The following NR3C1 variants were observed in gnomAD, a reference collection of about 807,000 sequenced individuals.
The protein encoded by NR3C1 is glucocorticoid receptor.
A neutral mutation model predicts 74.0 loss-of-function variants in NR3C1; 14 were observed. The observed-to-expected ratio is 0.19, with a 90% CI of 0.12 to 0.30. The LOEUF (loss-of-function observed/expected upper bound fraction) is 0.30, where lower values mean the gene tolerates loss of function less well. NR3C1 is among the 10% of genes least tolerant of loss of function. The probability of loss-of-function intolerance (pLI) is 1.00; values close to 1 mark genes in which losing one functional copy is unlikely to be tolerated. For missense variants in NR3C1, 695 were observed against 909.8 expected (o/e 0.76, Z 3.04); for synonymous variants, 308 against 332.5 (o/e 0.93, Z 0.80).
intron 2 of NR3C1, among the ~76,000 whole-genome samples, chr5:143,349,183 C>T (rs1334909651): frequency 3.9e-5 from 6 of 152,106 alleles, no homozygotes; most frequent in Non-Finnish European, 8.8e-5. Flanking sequence ...AGTTGCTTTG[C>T]TTTACCAAAA....
At chr5:143,366,442 G>A (rs1029531089) in intron 2 of NR3C1, among the ~76,000 whole-genome samples, 4 of 151,698 alleles carry the variant, frequency 2.6e-5, no homozygotes, top group African/African-American at 4.8e-5. Flanking sequence ...CCCGGGAAGC[G>A]GAGGCTGCAA....
intron 2 of NR3C1, among the ~76,000 whole-genome samples, chr5:143,373,222 T>C (rs1050458557): frequency 2.6e-5 from 4 of 152,058 alleles, no homozygotes; most frequent in Non-Finnish European, 5.9e-5. Context: ...TATAATTCCC[T>C]TGGGGAAAAA....
rs559096540 is a variant in NR3C1 at position 143,427,156 on chromosome 5, T to G, written c.-14+7376A>C. On this transcript the variant is annotated intron_variant, in intron 1 of 8. Coordinates refer to the NR3C1 transcript ENST00000343796. Reference sequence around the variant, plus strand: ...CCCAGTCTGCACTATAAGTAAGAAATAGCATTTTCATTATTTTGTGTGACA... The same window carrying G: ...CCCAGTCTGCACTATAAGTAAGAAAGAGCATTTTCATTATTTTGTGTGACA... Among the ~76,000 whole-genome samples the G allele has an allele frequency of 4.6e-5, 7 of 152,296 alleles. No individual in the cohort carries two copies. The South Asian group carries it at 1.4e-3, about 32-fold the overall frequency.
intron 6 of NR3C1, among the ~76,000 whole-genome samples, chr5:143,297,966 G>T (rs1038173832): frequency 1.3e-5 from 2 of 152,158 alleles, no homozygotes; most frequent in African/African-American, 4.8e-5. Flanking sequence ...CTGTGTACTG[G>T]GGAGATATGT....
At chr5:143,284,850 G>GTAAT (rs1378381131) in intron 7 of NR3C1, among the ~76,000 whole-genome samples, 1 of 152,136 alleles carries the variant, frequency 6.6e-6, no homozygotes, top group Non-Finnish European at 1.5e-5. Flanking sequence ...GTGCTTGAAA[G>GTAAT]TAATTATCAT....
intron 2 of NR3C1, chr5:143,389,873 A>G: frequency 2.3e-6 from 2 of 870,910 alleles, no homozygotes; most frequent in Non-Finnish European, 2.8e-6. Context: ...GCAGTAAAAC[A>G]TTACCTGCCA....
At chr5:143,343,157 T>C (rs1007389068) in intron 2 of NR3C1, among the ~76,000 whole-genome samples, 4 of 152,210 alleles carry the variant, frequency 2.6e-5, no homozygotes, top group African/African-American at 9.7e-5. Context: ...ATACTGCCTT[T>C]TCATATTTAG....
intron 7 of NR3C1, among the ~76,000 whole-genome samples, chr5:143,291,181 T>C (rs1815861042): frequency 1.3e-5 from 2 of 152,156 alleles, no homozygotes; most frequent in African/African-American, 4.8e-5. Flanking sequence ...ATCTATATTA[T>C]TTACCACTTT....
intron 7 of NR3C1, among the ~76,000 whole-genome samples, chr5:143,291,700 C>G (rs1287153316): frequency 1.3e-5 from 2 of 152,112 alleles, no homozygotes; most frequent in African/African-American, 4.8e-5. Flanking sequence ...GGGGAATTTC[C>G]TTTGACCTAT....
At chr5:143,282,093 C>T in intron 8 of NR3C1, 52 bp from the exon 9 acceptor site, 2 of 1,599,368 alleles carry the variant, frequency 1.3e-6, no homozygotes, top group Non-Finnish European at 1.7e-6. Flanking sequence ...TCAGTGGGAA[C>T]ATCTCATGTT....
At chr5:143,308,252 G>C (rs778251203) in intron 4 of NR3C1, among the ~76,000 whole-genome samples, 16 of 152,088 alleles carry the variant, frequency 1.1e-4, no homozygotes, top group Non-Finnish European at 2.1e-4. Context: ...CTTAAGGCCA[G>C]GAGTTAGACA....
At chr5:143,384,316 C>T (rs1300057416) in intron 2 of NR3C1, among the ~76,000 whole-genome samples, 3 of 152,116 alleles carry the variant, frequency 2.0e-5, no homozygotes, top group Non-Finnish European at 4.4e-5. Flanking sequence ...TATTATTCTG[C>T]CCCCGGCCCC....
intron 2 of NR3C1, among the ~76,000 whole-genome samples, chr5:143,397,336 T>C (rs1839411977): frequency 6.6e-6 from 1 of 151,910 alleles, no homozygotes; most frequent in Non-Finnish European, 1.5e-5. Context: ...GGTCTCAATG[T>C]GTTGATTATT....
In NR3C1 at chr5:143,314,105, T is replaced by C. The variant is rs1259597325; in HGVS notation, c.1248A>G (p.Pro416=). ...PSSSSTATTG[P]PPKLCLVCSD... ...AGCACACCAGGCAGAGTTTGGGAGG[T>C]GGTCCTGTTGTTGCTGTTGAGGAGC... The change falls in exon 3 of 9, where the codon CCA becomes CCG. Residue 416 remains proline, a synonymous_variant. Coordinates refer to ENST00000394464, the MANE Select transcript of NR3C1 (RefSeq NM_000176.3). 3 of 1,613,592 alleles carry C rather than the reference T, an allele frequency of 1.9e-6. No homozygotes were observed. The highest frequency in any genetic ancestry group is 2.7e-5 in the African/African-American group (2 of 74,882).
chr5:143,359,959 A>C (rs996777631), intron 2 of NR3C1, among the ~76,000 whole-genome samples: 5 of 152,204 alleles, frequency 3.3e-5, no homozygotes, highest in Admixed American at 3.3e-4. Flanking sequence ...TCAAGTTTTT[A>C]TTTCTACTGG....
chr5:143,435,158 A>G, exon 1 of NR3C1: 1 of 985,360 alleles, frequency 1.0e-6, no homozygotes, highest in Non-Finnish European at 1.2e-6. Flanking sequence ...CACACTAAGC[A>G]ATTTTCCTCC....
intron 7 of NR3C1, among the ~76,000 whole-genome samples, chr5:143,286,168 A>ATAAACATATT (rs1337447396): frequency 1.3e-5 from 2 of 152,154 alleles, no homozygotes; most frequent in African/African-American, 2.4e-5. Context: ...TCACTCAAGA[A>ATAAACATATT]TAAACATATT....
At chr5:143,413,834 TGAAAG>T (rs1442392791) in intron 1 of NR3C1, among the ~76,000 whole-genome samples, 4 of 151,974 alleles carry the variant, frequency 2.6e-5, no homozygotes, top group Admixed American at 1.3e-4. Context: ...GGGGTACAAA[TGAAAG>T]AGAGAGAAGA....
At chr5:143,425,395 G>A (rs937149059) in intron 1 of NR3C1, among the ~76,000 whole-genome samples, 4 of 152,070 alleles carry the variant, frequency 2.6e-5, no homozygotes, top group Admixed American at 2.0e-4. Flanking sequence ...TTCAAAAGAC[G>A]TTGTGAAGAA....
Sources: gnomAD v4.1 joint callset for allele counts (sites outside exome capture counted in the v4.1 genomes callset) on GRCh38, gnomAD v4.1.1 for gene constraint, MANE v1.5 for transcripts, NCBI Gene and HGNC (gene_info 2026-07-23, HGNC 2026-07-21) for gene names.